The following KCTD8 variants were observed in gnomAD, a reference collection of about 807,000 sequenced individuals.
KCTD8 encodes the protein BTB/POZ domain-containing protein KCTD8.
Under a neutral mutation model 31.5 loss-of-function variants are expected in KCTD8, and 27 were observed. The ratio of observed to expected loss-of-function variants is 0.86; its 90% CI spans 0.63 to 1.18. The LOEUF is 1.18. KCTD8 is among the 50% of genes most tolerant of loss of function. KCTD8 has a pLI of 0.00. For missense variants in KCTD8, 658 were observed against 647.7 expected, an observed-to-expected ratio of 1.02 and a Z score of -0.17; for synonymous variants, 290 against 280.0, an observed-to-expected ratio of 1.04 and a Z score of -0.36.
intron 1 of KCTD8, among the ~76,000 whole-genome samples, chr4:44,365,616 A>C (rs1719612199): frequency 6.6e-6 from 1 of 152,334 alleles, no homozygotes; most frequent in South Asian, 2.1e-4. Context: ...TCTTAACAAA[A>C]TAAATCTACC....
chr4:44,368,367 T>C (rs1418380536), intron 1 of KCTD8, among the ~76,000 whole-genome samples: 1 of 151,870 alleles, frequency 6.6e-6, no homozygotes, highest in Admixed American at 6.6e-5. Context: ...CCCAGGTGAC[T>C]GAGCAAGACT....
chr4:44,261,691 T>G (rs1469936709), intron 1 of KCTD8, among the ~76,000 whole-genome samples: 2 of 152,000 alleles, frequency 1.3e-5, no homozygotes, highest in Non-Finnish European at 2.9e-5. Flanking sequence ...ACAGTATGTG[T>G]CATTCTGTGT....
intron 1 of KCTD8, among the ~76,000 whole-genome samples, chr4:44,246,525 G>A (rs1016717117): frequency 6.6e-6 from 1 of 151,880 alleles, no homozygotes; most frequent in East Asian, 1.9e-4. Flanking sequence ...GACTTCTTTC[G>A]GAGGAAGTAG....
At chr4:44,423,473 C>T (rs774071306) in intron 1 of KCTD8, among the ~76,000 whole-genome samples, 10 of 152,098 alleles carry the variant, frequency 6.6e-5, no homozygotes, top group Non-Finnish European at 1.5e-4. Flanking sequence ...TTAACTGACA[C>T]AGCTGTGATT....
intron 1 of KCTD8, among the ~76,000 whole-genome samples, chr4:44,317,529 G>A (rs1055374090): frequency 3.9e-5 from 6 of 152,048 alleles, no homozygotes; most frequent in African/African-American, 1.2e-4. Flanking sequence ...GTGAGCCACC[G>A]CGCCCGGCCC....
At chr4:44,206,092 T>C (rs1050310884) in intron 1 of KCTD8, among the ~76,000 whole-genome samples, 1 of 151,556 alleles carries the variant, frequency 6.6e-6, no homozygotes, top group Admixed American at 6.6e-5. Context: ...GATTATTTAT[T>C]TTTTTTTAAT....
At chr4:44,203,979 A>C (rs1475257207) in intron 1 of KCTD8, among the ~76,000 whole-genome samples, 1 of 152,028 alleles carries the variant, frequency 6.6e-6, no homozygotes, top group Non-Finnish European at 1.5e-5. Context: ...TATGGAAACA[A>C]ATATCTGGGG....
chr4:44,319,680 G>C (rs147110653), intron 1 of KCTD8, among the ~76,000 whole-genome samples: 1 of 152,096 alleles, frequency 6.6e-6, no homozygotes, highest in Admixed American at 6.5e-5. Context: ...TCTCAGAAAG[G>C]AAAGAAAAGA....
chr4:44,415,020 T>C (rs923957101), intron 1 of KCTD8, among the ~76,000 whole-genome samples: 1 of 152,116 alleles, frequency 6.6e-6, no homozygotes, highest in Admixed American at 6.5e-5. Flanking sequence ...AAAATGCTGA[T>C]GGAAATATGG....
chr4:44,410,718 C>A (rs1287092986), intron 1 of KCTD8, among the ~76,000 whole-genome samples: 1 of 151,960 alleles, frequency 6.6e-6, no homozygotes, highest in Non-Finnish European at 1.5e-5. Flanking sequence ...GAGGAAAACT[C>A]CCCCTTATAA....
chr4:44,202,531 A>G (rs951177388), intron 1 of KCTD8, among the ~76,000 whole-genome samples: 2 of 152,198 alleles, frequency 1.3e-5, no homozygotes, highest in African/African-American at 4.8e-5. Flanking sequence ...GCAGAAACAG[A>G]AAACCAAATT....
chr4:44,354,998 AAAT>A (rs1285604259), intron 1 of KCTD8, among the ~76,000 whole-genome samples: 1 of 152,200 alleles, frequency 6.6e-6, no homozygotes, highest in East Asian at 1.9e-4. Context: ...AGTAGGAAGT[AAAT>A]AATAAGATAG....
chr4:44,275,722 T>C (rs1716732728), intron 1 of KCTD8, among the ~76,000 whole-genome samples: 1 of 152,000 alleles, frequency 6.6e-6, no homozygotes, highest in Non-Finnish European at 1.5e-5. Flanking sequence ...GACAAACTGG[T>C]TCTAGGAAGT....
chr4:44,431,967 C>T (rs1231296424), intron 1 of KCTD8, among the ~76,000 whole-genome samples: 1 of 151,536 alleles, frequency 6.6e-6, no homozygotes, highest in Non-Finnish European at 1.5e-5. Context: ...AAATACGGTA[C>T]ATGAGATTTG....
At chr4:44,363,304 T>C (rs1719548197) in intron 1 of KCTD8, among the ~76,000 whole-genome samples, 1 of 149,054 alleles carries the variant, frequency 6.7e-6, no homozygotes, top group Admixed American at 6.8e-5. Context: ...TTATTTATTC[T>C]AAGGTTAAAG....
At chr4:44,379,279 T>C (rs1719999003) in intron 1 of KCTD8, among the ~76,000 whole-genome samples, 1 of 152,136 alleles carries the variant, frequency 6.6e-6, no homozygotes, top group South Asian at 2.1e-4. Context: ...TTTATATGAA[T>C]GTAAAAGTTA....
In KCTD8 at chr4:44,330,884, G is replaced by A. The variant is rs547285878; in HGVS notation, c.961+116679C>T. ...TTCAATTAGTTTTCTGTTTGAGCCA[G>A]AGAAGAGGGGGTACTGGTACAAATG... On this transcript the variant is annotated intron_variant, in intron 1 of 1. Transcript: ENST00000360029. 1.6e-4 allele frequency among the ~76,000 whole-genome samples: 24 copies of A among 151,928 alleles called. No individual in the cohort carries two copies. The South Asian group carries it at 4.6e-3, about 29-fold the overall frequency.
At chr4:44,386,904 AG>A (rs1252962643) in intron 1 of KCTD8, among the ~76,000 whole-genome samples, 1 of 151,786 alleles carries the variant, frequency 6.6e-6, no homozygotes, top group Non-Finnish European at 1.5e-5. Flanking sequence ...AAAGAAATAA[AG>A]GGCATTCAAA....
At chr4:44,376,561 A>G (rs1719921516) in intron 1 of KCTD8, among the ~76,000 whole-genome samples, 1 of 152,204 alleles carries the variant, frequency 6.6e-6, no homozygotes, top group African/African-American at 2.4e-5. Flanking sequence ...ACAAAGAAGA[A>G]ACCTATGTGA....
Sources: allele counts gnomAD v4.1 joint callset (sites outside exome capture counted in the v4.1 genomes callset), GRCh38; gene constraint gnomAD v4.1.1; transcripts MANE v1.5; gene names NCBI Gene and HGNC (gene_info 2026-07-23, HGNC 2026-07-21).